The following CSMD1 variants were observed in gnomAD, a reference collection of about 807,000 sequenced individuals.
CSMD1 encodes CUB and sushi domain-containing protein 1.
A neutral mutation model predicts 417.5 loss-of-function variants in CSMD1; 213 were observed. That is an observed-to-expected ratio of 0.51 (90% CI 0.46 to 0.57). The LOEUF is 0.57. Ranked by LOEUF, CSMD1 falls within the 20% of genes least tolerant of loss-of-function variation. The pLI is 0.00. For synonymous variants in CSMD1, 2,862 were observed against 1,736.8 expected, an observed-to-expected ratio of 1.65 and a Z score of -16.11; for missense variants, 6,923 against 4,529.7, an observed-to-expected ratio of 1.53 and a Z score of -15.17.
chr8:3,741,840 G>A (rs1232337521), intron 6 of CSMD1, among the ~76,000 whole-genome samples: 6 of 152,048 alleles, frequency 3.9e-5, no homozygotes, highest in African/African-American at 7.2e-5. Context: ...TGCTCAAGTC[G>A]GCTTTAGCAA....
rs377667100 is a variant in CSMD1, at chr8:3,018,644, G to C, written c.7862C>G (p.Ser2621Trp). 1 of 1,610,112 alleles carries C rather than the reference G, an allele frequency of 6.2e-7. No individual in the cohort carries two copies. The highest frequency in any genetic ancestry group is 8.5e-7 in the Non-Finnish European group (1 of 1,177,742). ...GDERPSCRVISCGSLSFPPNG... is the reference protein window; with the variant it reads ...GDERPSCRVIWCGSLSFPPNG... The stretch of plus-strand genomic sequence containing the variant: ...TGGGGGAAAGGAAAGGCTTCCACAC[G>C]AGATAACTAGAAGGAAAAACAATAA... The change falls in exon 52 of 70, where the codon TCG becomes TGG. Residue 2621 changes from serine to tryptophan, a missense_variant. Ser to Trp is a radical substitution (Grantham distance 177). Transcript: ENST00000635120.
intron 3 of CSMD1, among the ~76,000 whole-genome samples, chr8:4,291,733 C>T (rs115150892): frequency 7.2e-5 from 11 of 152,006 alleles, no homozygotes; most frequent in Non-Finnish European, 1.5e-4. Flanking sequence ...CAGTTATATG[C>T]GGAGACAAAA....
chr8:4,493,396 C>A (rs1232262982), intron 2 of CSMD1, among the ~76,000 whole-genome samples: 1 of 152,084 alleles, frequency 6.6e-6, no homozygotes, highest in East Asian at 1.9e-4. Context: ...GATACAAACA[C>A]ATTCTAAAGC....
At chr8:4,147,383 C>A (rs1170438488) in intron 3 of CSMD1, among the ~76,000 whole-genome samples, 1 of 152,094 alleles carries the variant, frequency 6.6e-6, no homozygotes, top group African/African-American at 2.4e-5. Context: ...GTGCTCTCCT[C>A]CACACTGCCT....
intron 11 of CSMD1, among the ~76,000 whole-genome samples, chr8:3,489,170 G>C (rs534212831): frequency 2.6e-5 from 4 of 152,142 alleles, no homozygotes; most frequent in Non-Finnish European, 4.4e-5. Context: ...GAAAACAACA[G>C]GGAGAAATGA....
At chr8:4,907,595 T>C (rs1373944087) in intron 1 of CSMD1, among the ~76,000 whole-genome samples, 1 of 152,200 alleles carries the variant, frequency 6.6e-6, no homozygotes, top group Non-Finnish European at 1.5e-5. Flanking sequence ...GTTTTCACTC[T>C]GTTACCCAAG....
At chr8:3,276,706 T>A (rs2117189587) in intron 26 of CSMD1, among the ~76,000 whole-genome samples, 1 of 152,314 alleles carries the variant, frequency 6.6e-6, no homozygotes, top group African/African-American at 2.4e-5. Flanking sequence ...ATGAAAATTT[T>A]GAATTAAGCT....
intron 1 of CSMD1, among the ~76,000 whole-genome samples, chr8:4,820,553 G>A (rs899195361): frequency 6.6e-6 from 1 of 152,142 alleles, no homozygotes; most frequent in East Asian, 1.9e-4. Flanking sequence ...AATGATCCAA[G>A]TGAAGAAAAA....
Position 3,087,190 on chromosome 8 carries a change from G to T in CSMD1, c.7381C>A (p.Pro2461Thr), listed in dbSNP as rs750511395. 1.2e-6 allele frequency: 2 copies of T among 1,613,840 alleles called. No homozygotes were observed. Among genetic ancestry groups the T allele is most frequent in the African/African-American group, 1.3e-5 (1 of 74,916 alleles). ...CTGTGGCCGACCATTCGGTATCCAG[G>T]CTTGCAAAAATAATGCACTTTGCTT... ...VGSKVHYFCK[P>T]GYRMVGHSNA... is the part of the protein sequence containing the mutation. Residue 2461 changes from proline to threonine, a missense_variant, in exon 49 of 70, where the codon CCT (proline) becomes ACT (threonine). Transcript: ENST00000635120.
At chr8:3,261,650 G>A (rs1801066042) in intron 26 of CSMD1, among the ~76,000 whole-genome samples, 2 of 152,274 alleles carry the variant, frequency 1.3e-5, no homozygotes, top group South Asian at 2.1e-4. Context: ...ATTCCCTGGA[G>A]TTCTCTGCAG....
At chr8:3,459,555 A>T (rs556201899) in intron 12 of CSMD1, among the ~76,000 whole-genome samples, 1 of 152,230 alleles carries the variant, frequency 6.6e-6, no homozygotes, top group East Asian at 1.9e-4. Flanking sequence ...TACATGGGAG[A>T]TCTGTGCAGA....
intron 1 of CSMD1, among the ~76,000 whole-genome samples, chr8:4,870,060 T>A (rs1277576147): frequency 6.6e-6 from 1 of 152,148 alleles, no homozygotes; most frequent in Non-Finnish European, 1.5e-5. Context: ...AACCGCAGAC[T>A]TCAAGACTTT....
intron 26 of CSMD1, among the ~76,000 whole-genome samples, chr8:3,255,129 G>C (rs1370155506): frequency 6.6e-6 from 1 of 152,146 alleles, no homozygotes; most frequent in Admixed American, 6.5e-5. Flanking sequence ...AGTTTGCGGA[G>C]GTCCACTCCA....
chr8:4,241,901 G>C (rs911212096), intron 3 of CSMD1, among the ~76,000 whole-genome samples: 2 of 152,120 alleles, frequency 1.3e-5, no homozygotes, highest in African/African-American at 4.8e-5. Context: ...AAGGCATAAA[G>C]ACAACATCGT....
In CSMD1 at chr8:4,150,497, A is replaced by G. The variant is rs1196931628; in HGVS notation, c.416-118398T>C. 2.6e-5 allele frequency among the ~76,000 whole-genome samples: 4 copies of G among 152,324 alleles called. No individual in the cohort carries two copies. The South Asian group carries it at 6.2e-4, about 24-fold the overall frequency. ...TAACAGAATTTTTCACAACAGAGAT[A>G]TCTTCTAGAAGGCAGAATTTCTCTT... On this transcript the variant is annotated intron_variant, in intron 3 of 69. Coordinates refer to ENST00000635120, the MANE Select transcript of CSMD1 (RefSeq NM_033225.6).
chr8:3,448,401 A>G (rs57821918), intron 12 of CSMD1, among the ~76,000 whole-genome samples: 7 of 22,862 alleles, frequency 3.1e-4, no homozygotes, highest in East Asian at 1.2e-3. Flanking sequence ...GAGGAAGGGA[A>G]GGAAGGAAGG....
intron 1 of CSMD1, among the ~76,000 whole-genome samples, chr8:4,657,783 A>G (rs991260621): frequency 2.6e-5 from 4 of 151,876 alleles, no homozygotes; most frequent in African/African-American, 9.7e-5. Context: ...AAAGACTTAA[A>G]CCTACTGTTT....
chr8:3,671,341 C>T (rs1325782940), intron 7 of CSMD1, among the ~76,000 whole-genome samples: 3 of 147,754 alleles, frequency 2.0e-5, no homozygotes, highest in African/African-American at 7.4e-5. Flanking sequence ...TTATTACATG[C>T]TGTATTGTAT....
At chr8:4,630,129 T>G (rs941192915) in intron 2 of CSMD1, among the ~76,000 whole-genome samples, 2 of 152,184 alleles carry the variant, frequency 1.3e-5, no homozygotes, top group Non-Finnish European at 2.9e-5. Flanking sequence ...TTGTCTGAAT[T>G]CACATGCCTG....
Sources: allele counts gnomAD v4.1 joint callset (sites outside exome capture counted in the v4.1 genomes callset), GRCh38; gene constraint gnomAD v4.1.1; transcripts MANE v1.5; gene names NCBI Gene and HGNC (gene_info 2026-07-23, HGNC 2026-07-21).